THADA: variants seen among roughly 807,000 people sequenced by gnomAD.
The protein encoded by THADA is tRNA (32-2'-O)-methyltransferase regulator THADA.
THADA carries 213 observed loss-of-function variants against 219.8 expected under a neutral mutation model. The ratio of observed to expected loss-of-function variants is 0.97; its 90% confidence interval spans 0.87 to 1.09. The LOEUF is 1.09. Among genes scored for constraint, THADA ranks in the 50% least tolerant of loss-of-function variants. THADA has a pLI of 0.00. For missense variants in THADA, 2,956 were observed against 2,311.3 expected, an observed-to-expected ratio of 1.28 and a Z score of -5.72; for synonymous variants, 1,018 against 828.9, an observed-to-expected ratio of 1.23 and a Z score of -3.92.
intron 28 of THADA, among the ~76,000 whole-genome samples, chr2:43,412,100 T>G (rs1365520791): frequency 6.6e-6 from 1 of 152,158 alleles, no homozygotes; most frequent in Non-Finnish European, 1.5e-5. Flanking sequence ...ATTTTAAACA[T>G]GAGTAGCATT....
At chr2:43,266,030 A>G (rs1671484374) in intron 36 of THADA, among the ~76,000 whole-genome samples, 1 of 149,140 alleles carries the variant, frequency 6.7e-6, no homozygotes, top group African/African-American at 2.5e-5. Flanking sequence ...CACAACCACC[A>G]CTATGTTCTA....
intron 28 of THADA, among the ~76,000 whole-genome samples, chr2:43,417,995 T>C (rs987151066): frequency 6.6e-6 from 1 of 152,176 alleles, no homozygotes; most frequent in African/African-American, 2.4e-5. Context: ...TTATCATTTA[T>C]CACTAATCAG....
chr2:43,517,682 G>A (rs1266508517), intron 22 of THADA, among the ~76,000 whole-genome samples: 2 of 151,974 alleles, frequency 1.3e-5, no homozygotes, highest in Non-Finnish European at 2.9e-5. Flanking sequence ...TCTATCAAAC[G>A]CACGTGCACT....
At chr2:43,382,023 C>T (rs931499112) in intron 29 of THADA, among the ~76,000 whole-genome samples, 2 of 151,950 alleles carry the variant, frequency 1.3e-5, no homozygotes, top group African/African-American at 4.8e-5. Context: ...ACAGATAAGC[C>T]CAAATTGAGG....
intron 26 of THADA, among the ~76,000 whole-genome samples, chr2:43,466,120 C>A (rs1285603137): frequency 6.6e-6 from 1 of 152,216 alleles, no homozygotes; most frequent in East Asian, 1.9e-4. Flanking sequence ...CTTCTCACCA[C>A]TTGGTCCATC....
At chr2:43,555,166 G>T (rs918767518) in intron 17 of THADA, among the ~76,000 whole-genome samples, 1 of 151,724 alleles carries the variant, frequency 6.6e-6, no homozygotes, top group Non-Finnish European at 1.5e-5. Flanking sequence ...TATACAGTAA[G>T]TACTACTGAG....
intron 14 of THADA, among the ~76,000 whole-genome samples, chr2:43,569,894 T>C (rs2103994818): frequency 6.6e-6 from 1 of 152,256 alleles, no homozygotes; most frequent in South Asian, 2.1e-4. Context: ...TCCATCCATT[T>C]CATTAACACA....
intron 26 of THADA, among the ~76,000 whole-genome samples, chr2:43,473,344 G>T (rs1018056430): frequency 6.6e-6 from 1 of 152,076 alleles, no homozygotes; most frequent in African/African-American, 2.4e-5. Context: ...ACAAGGTCAA[G>T]ATCATCAATA....
rs767923431 is a variant in THADA, at chr2:43,574,515, G to A, written c.1550C>T (p.Ser517Phe). 1.9e-6 allele frequency: 3 copies of A among 1,613,912 alleles called. No homozygotes were observed. The highest frequency in any genetic ancestry group is 3.3e-5 in the Admixed American group (2 of 60,000). ...SHLKSQTAES[S>F]WIDQWHETWV... The stretch of plus-strand genomic sequence containing the variant: ...AGTCTCATGCCACTGGTCAATCCAA[G>A]AACTCTCAGCAGTCTGGGATTTCAA... The change falls in exon 11 of 38, where the codon TCT becomes TTT. Residue 517 changes from serine to phenylalanine, a missense_variant. Transcript: ENST00000405975.
chr2:43,531,848 T>G (rs1342504755), intron 21 of THADA, among the ~76,000 whole-genome samples: 1 of 152,164 alleles, frequency 6.6e-6, no homozygotes, highest in African/African-American at 2.4e-5. Context: ...TCTTTTCCTT[T>G]TTTTCGACTC....
chr2:43,379,031 T>C (rs1329138864), intron 29 of THADA, among the ~76,000 whole-genome samples: 3 of 151,760 alleles, frequency 2.0e-5, no homozygotes, highest in Admixed American at 6.6e-5. Context: ...CAAGAAAAAA[T>C]AATGAACAGA....
At chr2:43,548,826 G>T (rs927211302) in intron 20 of THADA, among the ~76,000 whole-genome samples, 1 of 152,250 alleles carries the variant, frequency 6.6e-6, no homozygotes, top group African/African-American at 2.4e-5. Flanking sequence ...CTTCCCAAGT[G>T]AGGCAATGCC....
chr2:43,524,419 T>A (rs993826458), intron 22 of THADA, among the ~76,000 whole-genome samples: 2 of 152,250 alleles, frequency 1.3e-5, no homozygotes, highest in Non-Finnish European at 2.9e-5. Context: ...TTAATCTCTT[T>A]AAGTGCTTCC....
intron 28 of THADA, among the ~76,000 whole-genome samples, chr2:43,418,344 A>T (rs1343223985): frequency 1.3e-5 from 2 of 152,202 alleles, no homozygotes; most frequent in Admixed American, 1.3e-4. Context: ...GCGCTTTCAG[A>T]AGTCAGTGAT....
At chr2:43,586,361 T>C (rs1323790244) in intron 7 of THADA, 40 bp downstream of exon 7, 4 of 1,499,580 alleles carry the variant, frequency 2.7e-6, no homozygotes, top group Non-Finnish European at 3.6e-6. Context: ...AATGTACAAC[T>C]GCAAGTGTGC....
intron 36 of THADA, among the ~76,000 whole-genome samples, chr2:43,234,984 C>G (rs1667865322): frequency 7.1e-6 from 1 of 140,338 alleles, no homozygotes; most frequent in Non-Finnish European, 1.6e-5. Context: ...GTTTATCACT[C>G]TTTTTTTTTT....
At chr2:43,416,590 G>C (rs993856562) in intron 28 of THADA, among the ~76,000 whole-genome samples, 7 of 152,122 alleles carry the variant, frequency 4.6e-5, no homozygotes, top group Non-Finnish European at 8.8e-5. Context: ...ATCTCTTGGG[G>C]GCTGGTGGTC....
At chr2:43,445,844 C>T (rs1031480558) in intron 26 of THADA, among the ~76,000 whole-genome samples, 6 of 152,110 alleles carry the variant, frequency 3.9e-5, no homozygotes, top group Non-Finnish European at 5.9e-5. Flanking sequence ...TGTCTAATGA[C>T]GTGTTGTTTT....
chr2:43,419,718 T>C (rs1677453566), intron 28 of THADA, among the ~76,000 whole-genome samples: 1 of 152,178 alleles, frequency 6.6e-6, no homozygotes, highest in Non-Finnish European at 1.5e-5. Context: ...GCAGAGCACC[T>C]TTGCTACAAT....
Sources: gnomAD v4.1 joint callset for allele counts (sites outside exome capture counted in the v4.1 genomes callset) on GRCh38, gnomAD v4.1.1 for gene constraint, MANE v1.5 for transcripts, NCBI Gene and HGNC (gene_info 2026-07-23, HGNC 2026-07-21) for gene names.